BLZF1: variants seen among roughly 807,000 people sequenced by gnomAD.
BLZF1 encodes the protein golgin-45.
Under a neutral mutation model 43.8 loss-of-function variants are expected in BLZF1, and 39 were observed. The observed-to-expected ratio is 0.89, with a 90% confidence interval of 0.69 to 1.16. BLZF1 has a LOEUF of 1.16. Among genes scored for constraint, BLZF1 ranks in the 50% most tolerant of loss-of-function variants. The pLI, the probability that BLZF1 is intolerant of heterozygous loss-of-function variation, is 0.00. For synonymous variants in BLZF1, 136 were observed against 159.4 expected, an observed-to-expected ratio of 0.85 and a Z score of 1.11; for missense variants, 449 against 469.8, an observed-to-expected ratio of 0.96 and a Z score of 0.41.
chr1:169,377,770 AT>A (rs1231878685), intron 3 of BLZF1, among the ~76,000 whole-genome samples: 1 of 152,018 alleles, frequency 6.6e-6, no homozygotes, highest in African/African-American at 2.4e-5. Flanking sequence ...AGAATATTCT[AT>A]TACAGTGTCA....
downstream of BLZF1, among the ~76,000 whole-genome samples, chr1:169,391,323 T>C: frequency 6.6e-6 from 1 of 152,204 alleles, no homozygotes; most frequent in East Asian, 1.9e-4. Context: ...GTAAGGGTTG[T>C]GCACTTTTGA....
At chr1:169,368,805 TGTAGTG>T (rs1217291402) in intron 1 of BLZF1, among the ~76,000 whole-genome samples, 1 of 152,210 alleles carries the variant, frequency 6.6e-6, no homozygotes, top group Non-Finnish European at 1.5e-5. Flanking sequence ...GATCTTTTTT[TGTAGTG>T]AAACCAGTTG....
At chr1:169,393,686 C>G (rs1161172746) in intron 7 of BLZF1, among the ~76,000 whole-genome samples, 1 of 151,824 alleles carries the variant, frequency 6.6e-6, no homozygotes, top group Non-Finnish European at 1.5e-5. Context: ...ACTGCAACCT[C>G]CACTTCTGGG....
chr1:169,377,038 C>T (rs1337067209), intron 3 of BLZF1, 59 bp downstream of exon 3: 3 of 1,371,472 alleles, frequency 2.2e-6, no homozygotes, highest in Non-Finnish European at 3.0e-6. Context: ...ACCTTTTAAA[C>T]GTGCATGTTA....
chr1:169,378,558 T>C, intron 4 of BLZF1, 29 bp downstream of exon 4: 3 of 1,600,398 alleles, frequency 1.9e-6, no homozygotes, highest in East Asian at 2.2e-5. Context: ...AGTATTTCAC[T>C]TCCTAGTTTT....
At chr1:169,372,494 G>A (rs943225299) in intron 2 of BLZF1, among the ~76,000 whole-genome samples, 1 of 152,090 alleles carries the variant, frequency 6.6e-6, no homozygotes, top group Non-Finnish European at 1.5e-5. Context: ...ATGACACAAA[G>A]ATTAGGAGGC....
intron 2 of BLZF1, among the ~76,000 whole-genome samples, chr1:169,373,979 A>C (rs938763270): frequency 1.3e-5 from 2 of 152,136 alleles, no homozygotes; most frequent in Non-Finnish European, 2.9e-5. Context: ...TATAGTTAAT[A>C]CATGATTCTG....
intron 1 of BLZF1, among the ~76,000 whole-genome samples, chr1:169,368,770 C>T (rs1307731051): frequency 6.6e-6 from 1 of 152,116 alleles, no homozygotes; most frequent in African/African-American, 2.4e-5. Flanking sequence ...ACTAATTGAA[C>T]TGAGTTGTAT....
chr1:169,369,294 G>C (rs78863125), intron 1 of BLZF1, among the ~76,000 whole-genome samples, 179 bp from the exon 2 acceptor site: 2 of 133,606 alleles, frequency 1.5e-5, no homozygotes, highest in Non-Finnish European at 3.2e-5. Flanking sequence ...TTTTTTTTTT[G>C]AGACTTTTAG....
At chr1:169,373,956 G>T (rs1359398221) in intron 2 of BLZF1, among the ~76,000 whole-genome samples, 1 of 151,950 alleles carries the variant, frequency 6.6e-6, no homozygotes, top group East Asian at 1.9e-4. Flanking sequence ...ATTGTTGATG[G>T]TTTTTATTAA....
At chr1:169,378,850 C>CA (rs1654443993) in intron 4 of BLZF1, among the ~76,000 whole-genome samples, 1 of 151,884 alleles carries the variant, frequency 6.6e-6, no homozygotes, top group South Asian at 2.1e-4. Flanking sequence ...TTATTTTTCC[C>CA]CATTCAAATA....
downstream of BLZF1, among the ~76,000 whole-genome samples, chr1:169,391,269 C>G (rs187668681): frequency 6.6e-6 from 1 of 152,176 alleles, no homozygotes; most frequent in African/African-American, 2.4e-5. Context: ...GTTAACTCAC[C>G]CTTTGAGTTC....
At chr1:169,376,002 C>T (rs1228438231) in intron 2 of BLZF1, among the ~76,000 whole-genome samples, 4 of 151,924 alleles carry the variant, frequency 2.6e-5, no homozygotes, top group African/African-American at 9.7e-5. Context: ...AACTGTTAGG[C>T]CTAAGAATAG....
At chr1:169,394,846 CAGACTAA>C in intron 7 of BLZF1, 1 of 382,046 alleles carries the variant, frequency 2.6e-6, no homozygotes. Flanking sequence ...ATTTGTTGCA[CAGACTAA>C]GAGATGGCAC....
intron 2 of BLZF1, among the ~76,000 whole-genome samples, chr1:169,375,356 A>T (rs35918529): frequency 0.27 from 10,196 of 37,740 alleles, 1,456 homozygotes; most frequent in East Asian, 0.74. Flanking sequence ...CATATATATA[A>T]AAAACATATA....
intron 2 of BLZF1, among the ~76,000 whole-genome samples, chr1:169,370,462 G>A (rs757961306): frequency 2.6e-5 from 4 of 152,122 alleles, no homozygotes; most frequent in Non-Finnish European, 4.4e-5. Context: ...ACGTTCTTTT[G>A]ATGACTTCCA....
At chr1:169,393,256 T>TTACTC (rs1381511309), downstream of BLZF1, among the ~76,000 whole-genome samples, 1 of 145,644 alleles carries the variant, frequency 6.9e-6, no homozygotes, top group Non-Finnish European at 1.5e-5. Flanking sequence ...TTGTTTTTTC[T>TTACTC]TACTCTACCT....
chr1:169,387,225 C>G lies in BLZF1; in HGVS notation c.*43C>G. 1 of 1,543,684 alleles carries G rather than the reference C, an allele frequency of 6.5e-7. No individual in the cohort carries two copies. Among genetic ancestry groups the G allele is most frequent in the South Asian group, 1.2e-5 (1 of 83,210 alleles). ...GCATGCTAAGGTACTTCCTTATTAC[C>G]CAAGAGTCATTATTATTTGGGAGCT... On this transcript the variant is annotated 3_prime_UTR_variant, in exon 7 of 7. Coordinates refer to ENST00000367808, the MANE Select transcript of BLZF1 (RefSeq NM_001320973.2).
chr1:169,390,714 A>G (rs1032772750), downstream of BLZF1, among the ~76,000 whole-genome samples: 12 of 152,180 alleles, frequency 7.9e-5, no homozygotes, highest in Non-Finnish European at 1.6e-4. Flanking sequence ...TTTTTTTCCC[A>G]CACAAGAGAT....
Sources: allele counts gnomAD v4.1 joint callset (sites outside exome capture counted in the v4.1 genomes callset), GRCh38; gene constraint gnomAD v4.1.1; transcripts MANE v1.5; gene names NCBI Gene and HGNC (gene_info 2026-07-23, HGNC 2026-07-21).